The following KCNC4 variants were observed in gnomAD, a reference collection of about 807,000 sequenced individuals.
KCNC4 encodes the protein voltage-gated potassium channel KCNC4.
A neutral mutation model predicts 42.8 loss-of-function variants in KCNC4; 23 were observed. That is an observed-to-expected ratio of 0.54 (90% confidence interval 0.39 to 0.76). The LOEUF is 0.76. Among genes scored for constraint, KCNC4 ranks in the 30% least tolerant of loss-of-function variants. The pLI is 0.00. For missense variants in KCNC4, 751 were observed against 898.2 expected (o/e 0.84, Z 2.10); for synonymous variants, 422 against 393.5 (o/e 1.07, Z -0.86).
intron 1 of KCNC4, among the ~76,000 whole-genome samples, chr1:110,275,810 T>C (rs1415299305): frequency 6.6e-6 from 1 of 151,776 alleles, no homozygotes; most frequent in Non-Finnish European, 1.5e-5. Context: ...TACAAAAAAT[T>C]AGCCAGGCAT....
chr1:110,283,488 G>A (rs1659863307), downstream of KCNC4, among the ~76,000 whole-genome samples: 1 of 152,198 alleles, frequency 6.6e-6, no homozygotes, highest in South Asian at 2.1e-4. Context: ...GATTAACGAT[G>A]TCTGGTCCAG....
At position 110,273,500 on chromosome 1, in the gene KCNC4, A is replaced by G. The variant is rs550823635; in HGVS notation, n.31-9034A>G. Among the ~76,000 whole-genome samples, 5 of 152,306 alleles carry G rather than the reference A, an allele frequency of 3.3e-5. No homozygotes were observed. The South Asian group carries it at 8.3e-4, about 25-fold the overall frequency. On this transcript the variant is annotated intron_variant and non_coding_transcript_variant, in intron 1 of 2. Coordinates refer to the KCNC4 transcript ENST00000412512. Reference sequence around the variant, plus strand: ...ATCTCTCCTTCCCTCCGCTGACACTAATGCCGAGCCTGGCACTCAAAAACT... The same window carrying G: ...ATCTCTCCTTCCCTCCGCTGACACTGATGCCGAGCCTGGCACTCAAAAACT...
At chr1:110,243,405 G>C (rs1659072574) in exon 4 of KCNC4, 1 of 152,264 alleles carries the variant, frequency 6.6e-6, no homozygotes, top group Admixed American at 6.5e-5. Flanking sequence ...ACAGCTGCTG[G>C]CTCTAAAGGC....
At chr1:110,251,548 A>G (rs748022787), downstream of KCNC4, among the ~76,000 whole-genome samples, 1 of 152,246 alleles carries the variant, frequency 6.6e-6, no homozygotes, top group African/African-American at 2.4e-5. Flanking sequence ...ACTCAGTCTC[A>G]GATGTGTCTT....
chr1:110,219,796 A>T (rs1449122908), intron 1 of KCNC4: 1 of 152,270 alleles, frequency 6.6e-6, no homozygotes, highest in East Asian at 1.9e-4. Flanking sequence ...GAAAAGCACC[A>T]TTTGCAAGCA....
intron 3 of KCNC4, among the ~76,000 whole-genome samples, chr1:110,231,585 C>T (rs990832683): frequency 6.6e-6 from 1 of 152,166 alleles, no homozygotes; most frequent in Non-Finnish European, 1.5e-5. Context: ...CATCTTAGGG[C>T]CTAATTGCCT....
At chr1:110,244,570 G>A (rs1476999828) in exon 4 of KCNC4, 2 of 152,184 alleles carry the variant, frequency 1.3e-5, no homozygotes, top group Non-Finnish European at 2.9e-5. Context: ...CGCCACCTCT[G>A]TGTTTTTCCC....
chr1:110,277,438 C>T (rs1318660968), intron 1 of KCNC4, among the ~76,000 whole-genome samples: 1 of 152,172 alleles, frequency 6.6e-6, no homozygotes, highest in Non-Finnish European at 1.5e-5. Flanking sequence ...ATTTCTTATT[C>T]CATCACCTTA....
Position 110,233,063 on chromosome 1 carries a change from GA to G in KCNC4, c.*94del. ...ACCCAGACAAGAATCTTTTCGCTGG[GA>G]AAGACTCAGATATCCTTGTTTGCAC... On this transcript the variant is annotated 3_prime_UTR_variant, in exon 4 of 4. Coordinates refer to ENST00000438661, the MANE Select transcript of KCNC4 (RefSeq NM_001039574.3). The G allele has an allele frequency of 6.9e-7, 1 of 1,459,168 alleles. No homozygotes were observed. Among genetic ancestry groups the G allele is most frequent in the Non-Finnish European group, 9.3e-7 (1 of 1,070,834 alleles). 90.4% of individuals were successfully genotyped at this position (1,459,168 alleles called of 1,614,324 possible).
downstream of KCNC4, chr1:110,236,589 G>A (rs1299811250): frequency 3.3e-5 from 5 of 152,196 alleles, no homozygotes; most frequent in African/African-American, 1.2e-4. Context: ...CACATAAAGC[G>A]AGGAGGAATG....
chr1:110,230,354 G>T (rs762221528), intron 3 of KCNC4, among the ~76,000 whole-genome samples: 1 of 152,214 alleles, frequency 6.6e-6, no homozygotes, highest in Non-Finnish European at 1.5e-5. Context: ...ACAGGATGGA[G>T]ATGCGAGGGC....
intron 1 of KCNC4, among the ~76,000 whole-genome samples, chr1:110,279,620 G>A (rs1659787180): frequency 6.6e-6 from 1 of 152,130 alleles, no homozygotes; most frequent in African/African-American, 2.4e-5. Context: ...ATGATATAGT[G>A]AGCTCTGCTC....
chr1:110,251,294 G>A (rs757465799), downstream of KCNC4, among the ~76,000 whole-genome samples: 5 of 152,202 alleles, frequency 3.3e-5, no homozygotes, highest in East Asian at 1.9e-4. Flanking sequence ...CCCATGTGTT[G>A]TGGGAAGACC....
At chr1:110,230,433 G>A (rs987649326) in intron 3 of KCNC4, among the ~76,000 whole-genome samples, 3 of 152,196 alleles carry the variant, frequency 2.0e-5, no homozygotes, top group Non-Finnish European at 4.4e-5. Flanking sequence ...ACAACGAGCC[G>A]GGTGTGCAGG....
Position 110,233,165 on chromosome 1 carries a change from A to T in KCNC4, c.*193A>T, listed in dbSNP as rs760672020. The T allele has an allele frequency of 3.6e-5, 23 of 633,596 alleles. No homozygotes were observed. The African/African-American group carries it at 4.2e-4, about 12-fold the overall frequency. 39.2% of individuals were successfully genotyped at this position (633,596 alleles called of 1,614,324 possible). A position where few individuals can be genotyped will look rare whatever the true frequency, so the allele number is the denominator to read the frequency against. On this transcript the variant is annotated 3_prime_UTR_variant, in exon 4 of 4. Coordinates refer to ENST00000438661, the MANE Select transcript of KCNC4 (RefSeq NM_001039574.3). ...GGTCTGATGTTCTGTTCCATTGTAC[A>T]TCGAAGAGATATATATGCACATATA...
exon 4 of KCNC4, chr1:110,246,090 C>G (rs925611460): frequency 6.6e-6 from 1 of 152,242 alleles, no homozygotes; most frequent in African/African-American, 2.4e-5. Context: ...TCTTGCCTCA[C>G]TTGTCCAGTG....
intron 1 of KCNC4, among the ~76,000 whole-genome samples, chr1:110,268,286 C>A (rs1019794427): frequency 6.6e-6 from 1 of 152,218 alleles, no homozygotes; most frequent in Non-Finnish European, 1.5e-5. Flanking sequence ...AATTCTCCAG[C>A]CCCCTGGCTG....
intron 1 of KCNC4, among the ~76,000 whole-genome samples, chr1:110,275,738 C>A (rs1035049061): frequency 1.6e-4 from 25 of 152,008 alleles, no homozygotes; most frequent in Non-Finnish European, 2.9e-4. Flanking sequence ...GCGGGTGGAT[C>A]ATGAGGTCAG....
rs1023854405 is a variant in KCNC4, at chr1:110,229,080, A to G, written c.1819+2902A>G. ...TCAGCCTTGTTGGGGAGCCACGCCT[A>G]TGTTAATATCTTTAATCACTGTGAA... On this transcript the variant is annotated intron_variant, in intron 3 of 3. Transcript: ENST00000438661. 6 of 152,340 alleles carry G rather than the reference A, an allele frequency of 3.9e-5. 1 individual carries two copies. The South Asian group carries it at 6.2e-4, about 16-fold the overall frequency. 9.4% of individuals were successfully genotyped at this position (152,340 alleles called of 1,614,324 possible).
Sources: gnomAD v4.1 joint callset for allele counts (sites outside exome capture counted in the v4.1 genomes callset) on GRCh38, gnomAD v4.1.1 for gene constraint, MANE v1.5 for transcripts, NCBI Gene and HGNC (gene_info 2026-07-23, HGNC 2026-07-21) for gene names.